RNF13: variants seen among roughly 807,000 people sequenced by gnomAD.
RNF13 encodes ring finger protein 13, also known as E3 ubiquitin-protein ligase RNF13.
RNF13 carries 19 observed loss-of-function variants against 37.7 expected under a neutral mutation model. That is an observed-to-expected ratio of 0.50 (90% CI 0.35 to 0.74). The LOEUF is 0.74. Among genes scored for constraint, RNF13 ranks in the 30% least tolerant of loss-of-function variants. RNF13 has a pLI of 0.01. For synonymous variants in RNF13, 144 were observed against 157.8 expected (o/e 0.91, Z 0.65); for missense variants, 375 against 453.0 (o/e 0.83, Z 1.56).
At chr3:149,867,222 G>A (rs1202593759) in intron 3 of RNF13, among the ~76,000 whole-genome samples, 1 of 151,902 alleles carries the variant, frequency 6.6e-6, no homozygotes, top group African/African-American at 2.4e-5. Context: ...ATATCGTCTT[G>A]CAGAATTGAC....
intron 8 of RNF13, among the ~76,000 whole-genome samples, chr3:149,941,220 G>T (rs994471328): frequency 6.6e-6 from 1 of 152,172 alleles, no homozygotes; most frequent in South Asian, 2.1e-4. Flanking sequence ...ATATCCAGAA[G>T]TGGGATTGCT....
At chr3:149,849,841 T>A (rs1220480629) in intron 2 of RNF13, among the ~76,000 whole-genome samples, 1 of 152,198 alleles carries the variant, frequency 6.6e-6, no homozygotes, top group Non-Finnish European at 1.5e-5. Flanking sequence ...CTTTCTAAAT[T>A]CAATTAAACC....
intron 4 of RNF13, among the ~76,000 whole-genome samples, chr3:149,877,472 C>CTTTTTTTTTTTTTTTTTTTTG (rs1712872255): frequency 9.9e-6 from 1 of 101,486 alleles, no homozygotes; most frequent in Non-Finnish European, 2.0e-5. Context: ...TTCTTTCTGT[C>CTTTTTTTTTTTTTTTTTTTTG]TTTTTTTTTT....
At position 149,895,509 on chromosome 3, in the gene RNF13, A is replaced by G. The variant is rs1715158887; in HGVS notation, c.358A>G (p.Ile120Val). 3.7e-6 allele frequency: 6 copies of G among 1,608,820 alleles called. No homozygotes were observed. The highest frequency in any genetic ancestry group is 1.1e-5 in the South Asian group (1 of 90,554). ...NAQRAGYKAA[I>V]VHNVDSDDLI... ...ACAGAGAGCAGGATACAAGGCAGCC[A>G]TAGTTCACAATGTTGATTCTGATGA... is the stretch of plus-strand genomic sequence containing the variant. Residue 120 changes from isoleucine (I) to valine (V), a missense_variant, in exon 5 of 10, where the codon ATA becomes GTA. By Grantham distance (29) the Ile-to-Val change is conservative (BLOSUM62 3). Coordinates refer to ENST00000392894, the MANE Select transcript of RNF13 (RefSeq NM_183381.3).
At chr3:149,815,877 A>G (rs1341418733) in intron 1 of RNF13, among the ~76,000 whole-genome samples, 3 of 152,014 alleles carry the variant, frequency 2.0e-5, no homozygotes, top group Non-Finnish European at 2.9e-5. Flanking sequence ...TCTTACAGTC[A>G]TTGATGTGGT....
chr3:149,890,234 CTCCTT>C (rs966077318), intron 4 of RNF13, among the ~76,000 whole-genome samples: 6 of 152,216 alleles, frequency 3.9e-5, no homozygotes, highest in African/African-American at 4.8e-5. Context: ...TCTTCAGTCT[CTCCTT>C]TCCAAGTCAA....
At position 149,882,055 on chromosome 3, in the gene RNF13, G is replaced by T. The variant is rs575547892; in HGVS notation, c.321+9901G>T. ...AGGATATACAGATGGAGGAAGTCCA[G>T]AATAACTATTAGTAGAGTACCAGTG... On this transcript the variant is annotated intron_variant, in intron 4 of 9. Transcript: ENST00000392894. 5.3e-5 allele frequency among the ~76,000 whole-genome samples: 8 copies of T among 151,892 alleles called. No individual in the cohort carries two copies. In the South Asian group the frequency reaches 1.7e-3, roughly 32 times the overall value.
At chr3:149,841,515 TA>T in intron 1 of RNF13, among the ~76,000 whole-genome samples, 1 of 152,334 alleles carries the variant, frequency 6.6e-6, no homozygotes, top group South Asian at 2.1e-4. Flanking sequence ...AATGAAGATA[TA>T]ATGCCAGCAA....
intron 8 of RNF13, among the ~76,000 whole-genome samples, chr3:149,936,237 G>A (rs1719663300): frequency 6.6e-6 from 1 of 151,966 alleles, no homozygotes; most frequent in Non-Finnish European, 1.5e-5. Context: ...AATCTGTTTG[G>A]TAATCTTTGA....
chr3:149,853,632 T>C (rs1304243416), intron 3 of RNF13, among the ~76,000 whole-genome samples: 1 of 152,098 alleles, frequency 6.6e-6, no homozygotes, highest in Admixed American at 6.5e-5. Flanking sequence ...CTTCAGTTTT[T>C]CGTTTATCTT....
chr3:149,899,910 G>C (rs1336982291), intron 5 of RNF13, among the ~76,000 whole-genome samples: 1 of 152,200 alleles, frequency 6.6e-6, no homozygotes, highest in East Asian at 1.9e-4. Context: ...TGGAGATATT[G>C]AATGGACAAT....
chr3:149,848,838 T>C (rs1357451524), intron 2 of RNF13, among the ~76,000 whole-genome samples: 1 of 152,170 alleles, frequency 6.6e-6, no homozygotes, highest in East Asian at 1.9e-4. Flanking sequence ...GATGCTACTG[T>C]AGCATCTAGT....
At chr3:149,850,990 T>G (rs1212839979) in intron 2 of RNF13, among the ~76,000 whole-genome samples, 1 of 152,212 alleles carries the variant, frequency 6.6e-6, no homozygotes, top group Non-Finnish European at 1.5e-5. Flanking sequence ...GGCCTCCAAG[T>G]ACACTGCTAG....
intron 3 of RNF13, among the ~76,000 whole-genome samples, chr3:149,861,605 A>G (rs1724261613): frequency 6.6e-6 from 1 of 152,188 alleles, no homozygotes; most frequent in Admixed American, 6.5e-5. Context: ...GAGTAGATTG[A>G]TAGATACCAG....
chr3:149,887,624 A>G (rs1714197283), intron 4 of RNF13, among the ~76,000 whole-genome samples: 1 of 152,148 alleles, frequency 6.6e-6, no homozygotes, highest in African/African-American at 2.4e-5. Flanking sequence ...TTGCAGATTC[A>G]TTTAAGTAGA....
At chr3:149,836,949 A>G (rs2108353167) in intron 1 of RNF13, among the ~76,000 whole-genome samples, 1 of 152,342 alleles carries the variant, frequency 6.6e-6, no homozygotes, top group Non-Finnish European at 1.5e-5. Flanking sequence ...TTGAATTTAT[A>G]GAAACAGAAA....
At chr3:149,897,905 C>T (rs1298886777) in intron 5 of RNF13, among the ~76,000 whole-genome samples, 1 of 152,120 alleles carries the variant, frequency 6.6e-6, no homozygotes, top group Non-Finnish European at 1.5e-5. Flanking sequence ...TTATTTCAGC[C>T]AGGAACAGAA....
At chr3:149,900,887 C>T (rs78054967) in intron 5 of RNF13, among the ~76,000 whole-genome samples, 2,712 of 151,754 alleles carry the variant, frequency 0.018, 86 homozygotes, top group African/African-American at 0.059. Context: ...GAGAGTTGAA[C>T]GTTTATATTT....
At chr3:149,827,594 T>A (rs981066433) in intron 1 of RNF13, among the ~76,000 whole-genome samples, 2 of 152,156 alleles carry the variant, frequency 1.3e-5, no homozygotes, top group Non-Finnish European at 1.5e-5. Context: ...AAGATTCCTG[T>A]CTTTGAGGAG....
Sources: gnomAD v4.1 joint callset for allele counts (sites outside exome capture counted in the v4.1 genomes callset) on GRCh38, gnomAD v4.1.1 for gene constraint, MANE v1.5 for transcripts, NCBI Gene and HGNC (gene_info 2026-07-23, HGNC 2026-07-21) for gene names.